Variants in STK33 observed in about 807,000 individuals in gnomAD.
STK33 encodes the protein serine/threonine kinase 33, also known as serine/threonine-protein kinase 33.
STK33 carries 52 observed loss-of-function variants against 58.0 expected under a neutral mutation model. The observed-to-expected ratio is 0.90, with a 90% CI of 0.72 to 1.13. The LOEUF is 1.13. Among genes scored for constraint, STK33 ranks in the 50% most tolerant of loss-of-function variants. STK33 has a pLI of 0.00. For missense variants in STK33, 630 were observed against 604.2 expected, an observed-to-expected ratio of 1.04 and a Z score of -0.45; for synonymous variants, 215 against 200.1, an observed-to-expected ratio of 1.07 and a Z score of -0.63.
intron 15 of STK33, among the ~76,000 whole-genome samples, chr11:8,405,999 C>T (rs1001333233): frequency 6.6e-6 from 1 of 151,848 alleles, no homozygotes; most frequent in South Asian, 2.1e-4. Context: ...AAAAATTAGC[C>T]GGGCATGGTG....
At chr11:8,513,097 T>C (rs375627935) in intron 1 of STK33, among the ~76,000 whole-genome samples, 3 of 152,224 alleles carry the variant, frequency 2.0e-5, no homozygotes, top group African/African-American at 4.8e-5. Context: ...TGCATATAAG[T>C]TGCTAATGTA....
chr11:8,528,798 T>G (rs35807094), intron 1 of STK33, among the ~76,000 whole-genome samples: 2 of 152,022 alleles, frequency 1.3e-5, no homozygotes, highest in Admixed American at 6.6e-5. Flanking sequence ...ACAGTGCCAG[T>G]AGGTGAGTCC....
chr11:8,548,186 G>C (rs1956075991), intron 1 of STK33, among the ~76,000 whole-genome samples: 1 of 151,808 alleles, frequency 6.6e-6, no homozygotes, highest in Admixed American at 6.6e-5. Flanking sequence ...TCTTTGCCCA[G>C]ACCAATGTCC....
the STK33 span, among the ~76,000 whole-genome samples, chr11:8,357,938 G>C: frequency 6.6e-6 from 1 of 152,230 alleles, no homozygotes; most frequent in African/African-American, 2.4e-5. Context: ...ACTCAGCTCA[G>C]CTTGGCCACT....
chr11:8,425,418 G>A (rs896563495), intron 14 of STK33, among the ~76,000 whole-genome samples: 22 of 152,174 alleles, frequency 1.4e-4, no homozygotes, highest in African/African-American at 3.1e-4. Flanking sequence ...GTCAGGTAGC[G>A]TGATGCCTCC....
chr11:8,448,382 A>G (rs1945799049), intron 11 of STK33, among the ~76,000 whole-genome samples: 1 of 152,222 alleles, frequency 6.6e-6, no homozygotes, highest in East Asian at 1.9e-4. Context: ...ACTTCAAACT[A>G]TACTACAAGG....
At chr11:8,419,687 AATG>A (rs1465689782) in intron 14 of STK33, among the ~76,000 whole-genome samples, 1 of 152,152 alleles carries the variant, frequency 6.6e-6, no homozygotes, top group African/African-American at 2.4e-5. Flanking sequence ...TGGTCATTTT[AATG>A]ATATTGATTC....
At chr11:8,440,146 T>C (rs940101428) in intron 12 of STK33, among the ~76,000 whole-genome samples, 1 of 151,936 alleles carries the variant, frequency 6.6e-6, no homozygotes, top group Non-Finnish European at 1.5e-5. Flanking sequence ...TTTGACTGAA[T>C]CTTGAGAATG....
chr11:8,418,703 C>T (rs1941479760), intron 14 of STK33, among the ~76,000 whole-genome samples: 1 of 152,140 alleles, frequency 6.6e-6, no homozygotes, highest in Non-Finnish European at 1.5e-5. Context: ...AATTTACACT[C>T]CACGCAACAG....
chr11:8,335,787 T>C, the STK33 span, among the ~76,000 whole-genome samples: 1 of 152,184 alleles, frequency 6.6e-6, no homozygotes, highest in African/African-American at 2.4e-5. Flanking sequence ...AACATAAACA[T>C]TATGAATGAG....
the STK33 span, among the ~76,000 whole-genome samples, chr11:8,386,649 G>A: frequency 1.2e-3 from 181 of 152,308 alleles, no homozygotes; most frequent in Non-Finnish European, 2.2e-3. Flanking sequence ...CAGAATCCGC[G>A]GAGCCTATGG....
rs111606552 is a variant in STK33, at chr11:8,426,239, G to C, written c.1146+9255C>G. ...TTTTCCCCTGGAGTCAGGCAGCTCA[G>C]CAGCCTGGGCTCTCCTCCAACTGCC... On this transcript the variant is annotated intron_variant, in intron 14 of 15. Coordinates refer to ENST00000687296, the MANE Select transcript of STK33 (RefSeq NM_001352389.2). 9.8e-3 allele frequency among the ~76,000 whole-genome samples: 1,494 copies of C among 152,310 alleles called. 10 individuals are homozygous for C. Among genetic ancestry groups the C allele is most frequent in the Non-Finnish European group, 0.017 (1,174 of 68,008 alleles).
intron 9 of STK33, among the ~76,000 whole-genome samples, chr11:8,455,265 T>C (rs1946707161): frequency 6.6e-6 from 1 of 152,232 alleles, no homozygotes; most frequent in Non-Finnish European, 1.5e-5. Flanking sequence ...ACACTGTAAC[T>C]TGGCTACATA....
chr11:8,554,848 A>G (rs558406585), intron 1 of STK33, among the ~76,000 whole-genome samples: 2 of 152,334 alleles, frequency 1.3e-5, no homozygotes, highest in South Asian at 4.1e-4. Context: ...AAGATGTGGA[A>G]ACAACCTTGG....
intron 15 of STK33, among the ~76,000 whole-genome samples, chr11:8,398,332 C>T (rs1028517465): frequency 2.6e-5 from 4 of 152,220 alleles, no homozygotes; most frequent in African/African-American, 9.6e-5. Context: ...AAAGAATTTT[C>T]AACCCACAAT....
intron 14 of STK33, among the ~76,000 whole-genome samples, chr11:8,422,521 A>T (rs1414677126): frequency 6.6e-6 from 1 of 152,184 alleles, no homozygotes; most frequent in Non-Finnish European, 1.5e-5. Flanking sequence ...AAGAAGAGTT[A>T]TAAGTTTAAG....
intron 2 of STK33, among the ~76,000 whole-genome samples, 158 bp downstream of exon 2, chr11:8,480,252 A>G (rs1949685237): frequency 6.6e-6 from 1 of 152,234 alleles, no homozygotes; most frequent in South Asian, 2.1e-4. Flanking sequence ...AGGCTGGAGC[A>G]TCAGGTGGAA....
intron 14 of STK33, among the ~76,000 whole-genome samples, chr11:8,431,467 C>T (rs897416707): frequency 6.6e-6 from 1 of 152,112 alleles, no homozygotes; most frequent in Non-Finnish European, 1.5e-5. Flanking sequence ...AAAGACCGTT[C>T]TGAAATTAGT....
At chr11:8,364,388 G>A in the STK33 span, among the ~76,000 whole-genome samples, 1 of 152,314 alleles carries the variant, frequency 6.6e-6, no homozygotes, top group Non-Finnish European at 1.5e-5. Flanking sequence ...TTTCTAAACT[G>A]AAGACAAAGA....
Sources: gnomAD v4.1 joint callset for allele counts (sites outside exome capture counted in the v4.1 genomes callset) on GRCh38, gnomAD v4.1.1 for gene constraint, MANE v1.5 for transcripts, NCBI Gene and HGNC (gene_info 2026-07-23, HGNC 2026-07-21) for gene names.